The following ESR1 variants were observed in gnomAD, a reference collection of about 807,000 sequenced individuals.
ESR1 encodes the protein estrogen receptor.
Under a neutral mutation model 52.7 loss-of-function variants are expected in ESR1, and 12 were observed. That is an observed-to-expected ratio of 0.23 (90% CI 0.15 to 0.37). The LOEUF (loss-of-function observed/expected upper bound fraction) is 0.37. ESR1 is among the 10% of genes least tolerant of loss of function. The probability of loss-of-function intolerance (pLI) is 1.00; values close to 1 mark genes in which losing one functional copy is unlikely to be tolerated. For missense variants in ESR1, 584 were observed against 779.7 expected (o/e 0.75, Z 2.99); for synonymous variants, 305 against 316.8 (o/e 0.96, Z 0.39).
At chr6:152,040,533 CA>C (rs1439412363) in intron 5 of ESR1, among the ~76,000 whole-genome samples, 4 of 152,180 alleles carry the variant, frequency 2.6e-5, no homozygotes, top group African/African-American at 4.8e-5. Context: ...AGTCCCTGAC[CA>C]TCCAGCCAAA....
At chr6:152,085,294 C>A (rs2049608653) in intron 6 of ESR1, among the ~76,000 whole-genome samples, 1 of 151,650 alleles carries the variant, frequency 6.6e-6, no homozygotes, top group African/African-American at 2.4e-5. Flanking sequence ...CAGAGCAAGA[C>A]CCTGTCTCTC....
At chr6:151,808,956 G>A (rs1778343733) in intron 1 of ESR1, among the ~76,000 whole-genome samples, 1 of 152,170 alleles carries the variant, frequency 6.6e-6, no homozygotes. Context: ...ACGTCCTGGG[G>A]CTTTAGAGAG....
At chr6:151,731,587 C>T (rs972695913) in intron 2 of ESR1, among the ~76,000 whole-genome samples, 1 of 152,082 alleles carries the variant, frequency 6.6e-6, no homozygotes, top group Non-Finnish European at 1.5e-5. Flanking sequence ...TTGTACAAGA[C>T]ACATATAAAC....
At chr6:152,059,476 A>C (rs1044400902) in intron 5 of ESR1, among the ~76,000 whole-genome samples, 1 of 152,110 alleles carries the variant, frequency 6.6e-6, no homozygotes, top group Non-Finnish European at 1.5e-5. Flanking sequence ...AAAAACAATT[A>C]AAAATACATA....
chr6:151,738,523 C>T (rs974567513), intron 2 of ESR1, among the ~76,000 whole-genome samples: 1 of 152,184 alleles, frequency 6.6e-6, no homozygotes, highest in African/African-American at 2.4e-5. Flanking sequence ...CTCACCAATG[C>T]TCGCTATTTT....
chr6:151,839,514 C>T (rs1164283424), intron 1 of ESR1, among the ~76,000 whole-genome samples: 3 of 152,100 alleles, frequency 2.0e-5, no homozygotes, highest in African/African-American at 7.2e-5. Flanking sequence ...AATTAAAAAT[C>T]TGGGTCTTGA....
chr6:151,736,375 G>GTTTTTTTTTTTTTTTTTTT lies in ESR1; in HGVS notation c.-71+34385_-71+34386insTTTTTTTTTTTTTTTTTTT, dbSNP rs10624912. Among the ~76,000 whole-genome samples the GTTTTTTTTTTTTTTTTTTT allele has an allele frequency of 2.7e-3, 303 of 112,656 alleles. 43 individuals are homozygous for GTTTTTTTTTTTTTTTTTTT. The highest frequency in any genetic ancestry group is 0.011 in the African/African-American group (292 of 26,112). 73.9% of individuals were successfully genotyped at this position (112,656 alleles called of 152,430 possible). Reference sequence around the variant, plus strand: ...AAATACTTACTGTATTCCAGGTAGTGTTTTTTTTTTTTTTTGAGATGGAGT... The same window carrying GTTTTTTTTTTTTTTTTTTT: ...AAATACTTACTGTATTCCAGGTAGTGTTTTTTTTTTTTTTTTTTTTTTTTTTTTTTTTTTGAGATGGAGT... On this transcript the variant is annotated intron_variant, in intron 2 of 2. Transcript: ENST00000404742.
In ESR1 at chr6:151,764,954, TG is replaced by T. The variant is rs759343932; in HGVS notation, c.-70-42887del. Among the ~76,000 whole-genome samples the T allele has an allele frequency of 8.7e-4, 132 of 152,322 alleles. 1 individual carries two copies. The Middle Eastern group carries it at 0.014, about 16-fold the overall frequency. ...AGAAAAATAGAACAGTGCTGTACAA[TG>T]GAAACAGTGCTGTACAACAGAAATC... On this transcript the variant is annotated intron_variant, in intron 2 of 2. Coordinates refer to the ESR1 transcript ENST00000404742.
chr6:151,963,672 G>C (rs900950234), intron 4 of ESR1, among the ~76,000 whole-genome samples: 6 of 152,176 alleles, frequency 3.9e-5, no homozygotes, highest in Non-Finnish European at 7.3e-5. Flanking sequence ...TGTGCGGAAA[G>C]CTTTTTAGTT....
chr6:151,921,501 A>C (rs1286731401), intron 3 of ESR1, among the ~76,000 whole-genome samples: 1 of 152,150 alleles, frequency 6.6e-6, no homozygotes, highest in East Asian at 1.9e-4. Flanking sequence ...ATCTTTGAGG[A>C]ATTGCTACAC....
At chr6:152,105,879 C>T (rs1180401061), downstream of ESR1, among the ~76,000 whole-genome samples, 1 of 147,220 alleles carries the variant, frequency 6.8e-6, no homozygotes, top group Non-Finnish European at 1.5e-5. Context: ...GCTCCGCTTC[C>T]CGGGTTCACG....
chr6:151,730,640 G>A (rs1782169863), intron 2 of ESR1, among the ~76,000 whole-genome samples: 1 of 152,110 alleles, frequency 6.6e-6, no homozygotes. Context: ...ACAATTAATT[G>A]TTTCCATTTG....
chr6:152,025,876 G>A (rs1359933556), intron 5 of ESR1, among the ~76,000 whole-genome samples: 2 of 151,824 alleles, frequency 1.3e-5, no homozygotes, highest in African/African-American at 4.8e-5. Context: ...CAAAGCATCA[G>A]TTTTCGCTGG....
At chr6:151,849,362 A>G (rs1583649965) in intron 2 of ESR1, among the ~76,000 whole-genome samples, 1 of 152,178 alleles carries the variant, frequency 6.6e-6, no homozygotes, top group Middle Eastern at 3.4e-3. Flanking sequence ...GTCATGATAG[A>G]TAGCCGGATG....
intron 3 of ESR1, among the ~76,000 whole-genome samples, chr6:151,885,707 T>G (rs1016590081): frequency 1.3e-5 from 2 of 152,012 alleles, no homozygotes; most frequent in Non-Finnish European, 2.9e-5. Flanking sequence ...TCTACAAAAT[T>G]AGCCAGGTGT....
At chr6:151,967,456 T>TA (rs2038403316) in intron 4 of ESR1, among the ~76,000 whole-genome samples, 1 of 152,192 alleles carries the variant, frequency 6.6e-6, no homozygotes, top group Non-Finnish European at 1.5e-5. Flanking sequence ...CTTCCTGAGT[T>TA]AGTTTGCTGA....
chr6:151,726,165 A>G (rs1437700001), intron 2 of ESR1, among the ~76,000 whole-genome samples: 1 of 152,214 alleles, frequency 6.6e-6, no homozygotes, highest in African/African-American at 2.4e-5. Flanking sequence ...ATTTAGGCGG[A>G]GAAAGAATTT....
intron 2 of ESR1, among the ~76,000 whole-genome samples, chr6:151,708,081 A>G (rs1412512714): frequency 6.6e-6 from 1 of 151,940 alleles, no homozygotes; most frequent in African/African-American, 2.4e-5. Context: ...TCTTTTCTCC[A>G]TGCTCACACA....
chr6:151,945,200 A>C (rs2035561368), intron 4 of ESR1, among the ~76,000 whole-genome samples: 1 of 152,206 alleles, frequency 6.6e-6, no homozygotes, highest in Non-Finnish European at 1.5e-5. Context: ...ACTCCAGCCC[A>C]GGTGACAGAG....
Sources: gnomAD v4.1 joint callset for allele counts (sites outside exome capture counted in the v4.1 genomes callset) on GRCh38, gnomAD v4.1.1 for gene constraint, MANE v1.5 for transcripts, NCBI Gene and HGNC (gene_info 2026-07-23, HGNC 2026-07-21) for gene names.